Variants in CRB1 observed in about 807,000 individuals in gnomAD.
CRB1 encodes protein crumbs homolog 1.
In CRB1, 83 loss-of-function variants were observed where a neutral mutation model predicts 120.0. The observed-to-expected ratio is 0.69, with a 90% CI of 0.58 to 0.83. The LOEUF (loss-of-function observed/expected upper bound fraction) is 0.83. Among genes scored for constraint, CRB1 ranks in the 40% least tolerant of loss-of-function variants. The probability of loss-of-function intolerance (pLI) is 0.00; values close to 1 mark genes in which losing one functional copy is unlikely to be tolerated. For synonymous variants in CRB1, 625 were observed against 612.5 expected (o/e 1.02, Z -0.30); for missense variants, 1,699 against 1,687.6 (o/e 1.01, Z -0.12).
chr1:197,426,075 C>G (rs1664566451), intron 6 of CRB1, among the ~76,000 whole-genome samples: 3 of 151,716 alleles, frequency 2.0e-5, no homozygotes, highest in Non-Finnish European at 4.4e-5. Context: ...CCCACCTCAC[C>G]CAAAAATCTT....
At chr1:197,240,236 T>C in the CRB1 span, among the ~76,000 whole-genome samples, 2 of 152,194 alleles carry the variant, frequency 1.3e-5, no homozygotes, top group African/African-American at 2.4e-5. Context: ...TTTTTAATTA[T>C]ACTTTAAGTT....
At chr1:197,434,659 C>G (rs1258528728) in intron 8 of CRB1, 47 bp from the exon 9 acceptor site, 1 of 1,523,362 alleles carries the variant, frequency 6.6e-7, no homozygotes, top group East Asian at 2.3e-5. Flanking sequence ...ATTAAGCAAA[C>G]TATAGATTTA....
chr1:197,231,835 G>A, the CRB1 span, among the ~76,000 whole-genome samples: 1 of 152,128 alleles, frequency 6.6e-6, no homozygotes, highest in Non-Finnish European at 1.5e-5. Context: ...GACCAGGGCT[G>A]ATGATAGCAG....
chr1:197,473,073 A>G, intron 11 of CRB1, among the ~76,000 whole-genome samples: 1 of 152,196 alleles, frequency 6.6e-6, no homozygotes, highest in East Asian at 1.9e-4. Context: ...TAACCACTTC[A>G]TTACACAGCC....
intron 11 of CRB1, among the ~76,000 whole-genome samples, chr1:197,462,961 A>G (rs931704413): frequency 5.9e-5 from 9 of 151,628 alleles, no homozygotes; most frequent in Admixed American, 2.6e-4. Context: ...TGCTGCACCT[A>G]ACAAGGAAGT....
At chr1:197,380,222 T>C (rs1553255465) in intron 5 of CRB1, among the ~76,000 whole-genome samples, 1 of 152,158 alleles carries the variant, frequency 6.6e-6, no homozygotes, top group Non-Finnish European at 1.5e-5. Context: ...GAAAATCATT[T>C]TTGGGGTGGG....
chr1:197,243,265 G>A, the CRB1 span, among the ~76,000 whole-genome samples: 2 of 152,082 alleles, frequency 1.3e-5, no homozygotes, highest in Admixed American at 6.6e-5. Flanking sequence ...TAATTGTGAT[G>A]TTAAAGACTG....
chr1:197,330,423 A>G (rs1211119514), intron 2 of CRB1, among the ~76,000 whole-genome samples: 1 of 152,226 alleles, frequency 6.6e-6, no homozygotes, highest in Non-Finnish European at 1.5e-5. Context: ...CACTACACAG[A>G]GAATAATTTT....
chr1:197,349,405 G>T (rs2125336717), intron 4 of CRB1, among the ~76,000 whole-genome samples: 1 of 152,148 alleles, frequency 6.6e-6, no homozygotes, highest in African/African-American at 2.4e-5. Context: ...AGGATTTTTT[G>T]ATAAAAATAA....
chr1:197,415,623 CTTTTTCT>C (rs1663944357), intron 5 of CRB1, among the ~76,000 whole-genome samples: 1 of 132,856 alleles, frequency 7.5e-6, no homozygotes, highest in African/African-American at 2.8e-5. Context: ...TTTTTTTTTT[CTTTTTCT>C]TTTTTCTTTT....
the CRB1 span, among the ~76,000 whole-genome samples, chr1:197,224,276 G>A: frequency 6.6e-6 from 1 of 152,056 alleles, no homozygotes; most frequent in Non-Finnish European, 1.5e-5. Context: ...TATTCATTCT[G>A]TATATTCAGG....
intron 4 of CRB1, among the ~76,000 whole-genome samples, chr1:197,349,766 T>C (rs1030354253): frequency 6.6e-6 from 1 of 152,184 alleles, no homozygotes; most frequent in Non-Finnish European, 1.5e-5. Flanking sequence ...AGATAATAAA[T>C]GAGGAATATT....
chr1:197,404,001 C>G (rs1318539945), intron 5 of CRB1, among the ~76,000 whole-genome samples: 2 of 152,144 alleles, frequency 1.3e-5, no homozygotes, highest in Non-Finnish European at 2.9e-5. Flanking sequence ...CTAAACTGTA[C>G]TAGGATCTAA....
At position 197,338,061 on chromosome 1, in the gene CRB1, T is replaced by C. The variant is rs533826303; in HGVS notation, c.653-6220T>C. ...AATGTTGTAATTTTTCTATAATCTT[T>C]CAAAAAAACATAAAATTAAAGCATA... On this transcript the variant is annotated intron_variant, in intron 2 of 11. Transcript: ENST00000367400. 1.5e-3 allele frequency among the ~76,000 whole-genome samples: 235 copies of C among 151,948 alleles called. 1 individual carries two copies. The highest frequency in any genetic ancestry group is 5.5e-3 in the African/African-American group (230 of 41,498).
chr1:197,268,200 C>T, upstream of CRB1: 1 of 525,832 alleles, frequency 1.9e-6, no homozygotes, highest in Non-Finnish European at 3.5e-6. Context: ...AAAAATCACC[C>T]CATCCTCCCG....
chr1:197,354,219 A>G (rs1364338092), intron 4 of CRB1, among the ~76,000 whole-genome samples: 2 of 152,308 alleles, frequency 1.3e-5, no homozygotes, highest in African/African-American at 4.8e-5. Flanking sequence ...GTACAACTAG[A>G]GATGTTTGGC....
the CRB1 span, among the ~76,000 whole-genome samples, chr1:197,256,932 C>CATGTGT: frequency 1.4e-5 from 2 of 141,498 alleles, no homozygotes; most frequent in South Asian, 4.7e-4. Context: ...ATAGGATTTG[C>CATGTGT]GTGTGTGTGT....
At chr1:197,293,150 T>C (rs910682633) in intron 1 of CRB1, among the ~76,000 whole-genome samples, 1 of 152,192 alleles carries the variant, frequency 6.6e-6, no homozygotes, top group African/African-American at 2.4e-5. Flanking sequence ...TATGATTGTA[T>C]ATTTAGAAAA....
intron 1 of CRB1, among the ~76,000 whole-genome samples, chr1:197,309,337 G>A (rs1657371797): frequency 6.6e-6 from 1 of 151,974 alleles, no homozygotes; most frequent in African/African-American, 2.4e-5. Context: ...CATACACACA[G>A]TTTCTGGTTG....
Sources: allele counts gnomAD v4.1 joint callset (sites outside exome capture counted in the v4.1 genomes callset), GRCh38; gene constraint gnomAD v4.1.1; transcripts MANE v1.5; gene names NCBI Gene and HGNC (gene_info 2026-07-23, HGNC 2026-07-21).